Variants in EMILIN2 observed in about 807,000 individuals in gnomAD.
EMILIN2 encodes EMILIN-2.
Under a neutral mutation model 87.1 loss-of-function variants are expected in EMILIN2, and 71 were observed. The ratio of observed to expected loss-of-function variants is 0.82; its 90% confidence interval spans 0.67 to 0.99. The LOEUF is 0.99. Among genes scored for constraint, EMILIN2 ranks in the 50% least tolerant of loss-of-function variants. The pLI, the probability that EMILIN2 is intolerant of heterozygous loss-of-function variation, is 0.00. For synonymous variants in EMILIN2, 581 were observed against 563.4 expected (o/e 1.03, Z -0.44); for missense variants, 1,407 against 1,371.8 (o/e 1.03, Z -0.40).
rs183418971 is a variant in EMILIN2, at chr18:2,888,583, T to C, written c.434-1978T>C. Among the ~76,000 whole-genome samples, 74 of 151,580 alleles carry C rather than the reference T, an allele frequency of 4.9e-4. No individual in the cohort carries two copies. In the East Asian group the frequency reaches 0.011, roughly 23 times the overall value. On this transcript the variant is annotated intron_variant, in intron 3 of 7. Transcript: ENST00000254528. Reference sequence around the variant, plus strand: ...ACAAAAAATTAGCCGGGCATGGTGGTGGGCACCTGTAGTCCCAGCTACTCG... The same window carrying C: ...ACAAAAAATTAGCCGGGCATGGTGGCGGGCACCTGTAGTCCCAGCTACTCG...
intron 2 of EMILIN2, among the ~76,000 whole-genome samples, chr18:2,870,432 T>C (rs2076713834): frequency 6.6e-6 from 1 of 152,226 alleles, no homozygotes; most frequent in South Asian, 2.1e-4. Flanking sequence ...GTTCAAAGCC[T>C]ACATGTGGCC....
intron 2 of EMILIN2, among the ~76,000 whole-genome samples, chr18:2,850,452 C>T (rs1260101343): frequency 6.6e-6 from 1 of 150,654 alleles, no homozygotes; most frequent in East Asian, 2.0e-4. Context: ...GTCACCCAGG[C>T]TGGGGTGCAG....
intron 4 of EMILIN2, among the ~76,000 whole-genome samples, chr18:2,895,538 T>A (rs1217459686): frequency 1.3e-5 from 2 of 152,224 alleles, no homozygotes; most frequent in Non-Finnish European, 2.9e-5. Flanking sequence ...CTGCTCTATG[T>A]GGCATCAGCT....
In EMILIN2 at chr18:2,909,830, G is replaced by C; in HGVS notation, c.2824+11G>C. 1 of 1,613,046 alleles carries C rather than the reference G, an allele frequency of 6.2e-7. No individual in the cohort carries two copies. The highest frequency in any genetic ancestry group is 8.5e-7 in the Non-Finnish European group (1 of 1,179,562). ...ACAACCCCAGCACCGGTGAGTGTTTGAACGGAACTGGTACTGTGTCCTCCT... is the reference window on the plus strand; with the variant it reads ...ACAACCCCAGCACCGGTGAGTGTTTCAACGGAACTGGTACTGTGTCCTCCT... On this transcript the variant is annotated intron_variant, in intron 7 of 7. Coordinates refer to ENST00000254528, the MANE Select transcript of EMILIN2 (RefSeq NM_032048.3).
At chr18:2,863,167 C>T (rs1029728486) in intron 2 of EMILIN2, among the ~76,000 whole-genome samples, 5 of 152,162 alleles carry the variant, frequency 3.3e-5, no homozygotes, top group African/African-American at 1.2e-4. Context: ...TTCAAAAAAC[C>T]AGCTCCTGGA....
intron 4 of EMILIN2, among the ~76,000 whole-genome samples, chr18:2,901,463 A>G (rs1327522640): frequency 1.3e-5 from 2 of 152,200 alleles, no homozygotes; most frequent in Non-Finnish European, 2.9e-5. Context: ...GTTGAAATTG[A>G]TGTTTGGTTT....
Position 2,913,369 on chromosome 18 carries a change from G to T in EMILIN2, c.3127G>T (p.Gly1043Trp). 1 of 1,610,082 alleles carries T rather than the reference G, an allele frequency of 6.2e-7. No individual in the cohort carries two copies. The highest frequency in any genetic ancestry group is 8.5e-7 in the Non-Finnish European group (1 of 1,178,090). ...DFDEMYSTFS[G>W]VFLYPFLSHL The stretch of plus-strand genomic sequence containing the variant: ...TGATGAAATGTACTCCACATTTAGT[G>T]GGGTTTTCTTATATCCTTTCCTTTC... Residue 1043 changes from glycine to tryptophan, a missense_variant, in exon 8 of 8, where the codon GGG becomes TGG. Transcript: ENST00000254528.
chr18:2,893,380 C>CACAA (rs1555669063), intron 4 of EMILIN2, among the ~76,000 whole-genome samples: 2 of 151,652 alleles, frequency 1.3e-5, no homozygotes, highest in East Asian at 1.9e-4. Flanking sequence ...TGTTTCCAGA[C>CACAA]ACAGGACCGT....
chr18:2,912,255 G>C (rs1042156114), intron 7 of EMILIN2, among the ~76,000 whole-genome samples: 1 of 151,946 alleles, frequency 6.6e-6, no homozygotes, highest in Admixed American at 6.6e-5. Context: ...TGGCCAGGCT[G>C]GTCTCAAACT....
chr18:2,853,980 C>G (rs1195354337), intron 2 of EMILIN2, among the ~76,000 whole-genome samples: 1 of 152,214 alleles, frequency 6.6e-6, no homozygotes, highest in Non-Finnish European at 1.5e-5. Flanking sequence ...CCATCACCTC[C>G]TGCTCAGCCT....
chr18:2,854,624 C>T (rs937270332), intron 2 of EMILIN2, among the ~76,000 whole-genome samples: 3 of 151,752 alleles, frequency 2.0e-5, no homozygotes, highest in African/African-American at 7.3e-5. Context: ...GAGACCTTGT[C>T]TTTACAAAAA....
intron 4 of EMILIN2, among the ~76,000 whole-genome samples, chr18:2,895,287 C>T (rs2076858273): frequency 6.6e-6 from 1 of 151,958 alleles, no homozygotes; most frequent in Non-Finnish European, 1.5e-5. Flanking sequence ...GAGCAGAGTA[C>T]AGAGGCTGAT....
chr18:2,855,240 C>T (rs1163294455), intron 2 of EMILIN2, among the ~76,000 whole-genome samples: 1 of 152,226 alleles, frequency 6.6e-6, no homozygotes, highest in African/African-American at 2.4e-5. Context: ...GTTCCTGTCT[C>T]CTTCCTAGGT....
intron 2 of EMILIN2, 78 bp from the exon 3 acceptor site, chr18:2,884,886 C>T: frequency 6.8e-7 from 1 of 1,476,306 alleles, no homozygotes; most frequent in Non-Finnish European, 9.1e-7. Context: ...GCCCTGAGTC[C>T]TCTTTATTTG....
chr18:2,885,522 A>G (rs1444591929), intron 3 of EMILIN2, among the ~76,000 whole-genome samples: 1 of 151,942 alleles, frequency 6.6e-6, no homozygotes, highest in Admixed American at 6.6e-5. Flanking sequence ...ATTGTTTTTT[A>G]TTTTTTATTT....
chr18:2,863,586 A>G lies in EMILIN2; in HGVS notation c.257+15655A>G, dbSNP rs533195046. Among the ~76,000 whole-genome samples, 5 of 152,298 alleles carry G rather than the reference A, an allele frequency of 3.3e-5. No homozygotes were observed. The South Asian group carries it at 1.0e-3, about 32-fold the overall frequency. On this transcript the variant is annotated intron_variant, in intron 2 of 7. Transcript: ENST00000254528. ...TTGATTGCACTGTGGTCTGAGAGAC[A>G]GTTTGTTATAATTTCTGTTGTTTTA...
At chr18:2,909,655 C>T (rs1367280914) in intron 6 of EMILIN2, 36 bp from the exon 7 acceptor site, 5 of 1,609,474 alleles carry the variant, frequency 3.1e-6, no homozygotes, top group Non-Finnish European at 4.2e-6. Flanking sequence ...GACAGAAGCA[C>T]CCGGGTCAAT....
At chr18:2,879,532 A>G (rs1404184521) in intron 2 of EMILIN2, among the ~76,000 whole-genome samples, 3 of 151,808 alleles carry the variant, frequency 2.0e-5, no homozygotes, top group East Asian at 2.0e-4. Flanking sequence ...GTGGTGGCAC[A>G]TGCCTGTAAT....
intron 2 of EMILIN2, among the ~76,000 whole-genome samples, chr18:2,854,190 A>T (rs4798034): frequency 0.27 from 40,696 of 151,698 alleles, 5,527 homozygotes; most frequent in Non-Finnish European, 0.28. Flanking sequence ...GCTTATCAGC[A>T]TCTGGCCACC....
Sources: gnomAD v4.1 joint callset for allele counts (sites outside exome capture counted in the v4.1 genomes callset) on GRCh38, gnomAD v4.1.1 for gene constraint, MANE v1.5 for transcripts, NCBI Gene and HGNC (gene_info 2026-07-23, HGNC 2026-07-21) for gene names.